RBFOX1: variants seen among roughly 807,000 people sequenced by gnomAD.
The protein encoded by RBFOX1 is RNA binding fox-1 homolog 1, also known as RNA binding protein fox-1 homolog 1.
In RBFOX1, 8 loss-of-function variants were observed where a neutral mutation model predicts 57.7. The observed-to-expected ratio is 0.14, with a 90% confidence interval of 0.08 to 0.25. The LOEUF (loss-of-function observed/expected upper bound fraction) is 0.25, where lower values mean the gene tolerates loss of function less well. RBFOX1 is among the 10% of genes least tolerant of loss of function. The pLI, the probability that RBFOX1 is intolerant of heterozygous loss-of-function variation, is 1.00. For synonymous variants in RBFOX1, 326 were observed against 222.4 expected, an observed-to-expected ratio of 1.47 and a Z score of -4.15; for missense variants, 611 against 548.5, an observed-to-expected ratio of 1.11 and a Z score of -1.14.
In RBFOX1 at chr16:7,081,065, C is replaced by T. The variant is rs928314775; in HGVS notation, c.27+28967C>T. ...TTTTACTTTTTTTGAGGCAGAGTCT[C>T]ACTCTGTCACCAAGGCTGGAGTGCA... On this transcript the variant is annotated intron_variant, in intron 4 of 15. Coordinates refer to ENST00000550418, the MANE Select transcript of RBFOX1 (RefSeq NM_018723.4). 5.3e-5 allele frequency among the ~76,000 whole-genome samples: 8 copies of T among 152,160 alleles called. 1 individual carries two copies. Among genetic ancestry groups the T allele is most frequent in the Admixed American group, 2.0e-4 (3 of 15,274 alleles).
At chr16:5,566,482 G>A (rs1446128998) in intron 2 of RBFOX1, among the ~76,000 whole-genome samples, 2 of 151,890 alleles carry the variant, frequency 1.3e-5, no homozygotes, top group Non-Finnish European at 2.9e-5. Context: ...CCCTCGGGTT[G>A]TTATATTTTG....
At chr16:5,974,217 G>C (rs1203260944) in intron 4 of RBFOX1, among the ~76,000 whole-genome samples, 1 of 152,194 alleles carries the variant, frequency 6.6e-6, no homozygotes, top group Non-Finnish European at 1.5e-5. Context: ...AACTGCTTCA[G>C]CTGTTCCTGT....
intron 2 of RBFOX1, among the ~76,000 whole-genome samples, chr16:6,648,924 A>T (rs942287795): frequency 6.6e-6 from 1 of 152,234 alleles, no homozygotes; most frequent in African/African-American, 2.4e-5. Flanking sequence ...TAGAGCCAAT[A>T]TCATATACAT....
intron 4 of RBFOX1, among the ~76,000 whole-genome samples, chr16:7,224,902 T>A (rs1391804014): frequency 1.3e-5 from 2 of 152,108 alleles, no homozygotes; most frequent in African/African-American, 2.4e-5. Context: ...TTCATGTACT[T>A]TGAGTTAGAG....
chr16:7,654,482 C>T (rs1291846865), intron 12 of RBFOX1, among the ~76,000 whole-genome samples: 1 of 152,168 alleles, frequency 6.6e-6, no homozygotes, highest in Admixed American at 6.5e-5. Flanking sequence ...AGTTAAGATG[C>T]GTTGCAGTTG....
At chr16:6,478,429 A>ATATATATAT (rs1159954387) in intron 2 of RBFOX1, among the ~76,000 whole-genome samples, 3 of 24,606 alleles carry the variant, frequency 1.2e-4, no homozygotes, top group African/African-American at 3.8e-4. Context: ...ATATATATAT[A>ATATATATAT]TTTTTTTTTT....
At chr16:7,567,892 T>A (rs1238979862) in intron 5 of RBFOX1, among the ~76,000 whole-genome samples, 1 of 9,136 alleles carries the variant, frequency 1.1e-4, no homozygotes, top group Non-Finnish European at 4.7e-4. Context: ...TATGTATACC[T>A]ATGTATATAT....
intron 11 of RBFOX1, among the ~76,000 whole-genome samples, chr16:7,645,260 C>T (rs538927594): frequency 1.9e-4 from 29 of 152,230 alleles, no homozygotes; most frequent in Non-Finnish European, 3.1e-4. Context: ...AATTATGGTG[C>T]GCAGTGTTTT....
intron 4 of RBFOX1, among the ~76,000 whole-genome samples, chr16:7,352,744 C>G (rs1486661359): frequency 6.6e-6 from 1 of 152,098 alleles, no homozygotes; most frequent in East Asian, 1.9e-4. Context: ...GAGACAGGGT[C>G]TCACTCTGTC....
intron 3 of RBFOX1, among the ~76,000 whole-genome samples, chr16:6,805,420 G>A (rs184759365): frequency 6.6e-6 from 1 of 152,028 alleles, no homozygotes; most frequent in African/African-American, 2.4e-5. Flanking sequence ...GAGAAGAGCA[G>A]AAAAAAATAA....
At chr16:5,273,791 C>G (rs1443128812) in intron 1 of RBFOX1, among the ~76,000 whole-genome samples, 1 of 152,086 alleles carries the variant, frequency 6.6e-6, no homozygotes, top group Admixed American at 6.5e-5. Flanking sequence ...TCATGAGCAG[C>G]TGGAAGAATG....
chr16:7,549,964 C>G (rs1285393170), intron 5 of RBFOX1, among the ~76,000 whole-genome samples: 1 of 152,076 alleles, frequency 6.6e-6, no homozygotes. Flanking sequence ...GGGTTTTACT[C>G]TGTCACTTAG....
chr16:5,342,214 C>A (rs1567358922), intron 1 of RBFOX1, among the ~76,000 whole-genome samples: 1 of 152,164 alleles, frequency 6.6e-6, no homozygotes, highest in Admixed American at 6.5e-5. Context: ...CCTAGGGTGA[C>A]CACCAGTTCC....
At chr16:5,557,296 A>C (rs1273872407) in intron 2 of RBFOX1, among the ~76,000 whole-genome samples, 14 of 143,694 alleles carry the variant, frequency 9.7e-5, no homozygotes, top group Non-Finnish European at 1.6e-5. Context: ...TAAATAAATA[A>C]ATAAATAAAA....
chr16:7,219,070 G>C (rs75981637), intron 4 of RBFOX1, among the ~76,000 whole-genome samples: 3,954 of 152,280 alleles, frequency 0.026, 181 homozygotes, highest in African/African-American at 0.09. Flanking sequence ...TGAATGTGGA[G>C]TTGGCCACCA....
intron 3 of RBFOX1, among the ~76,000 whole-genome samples, chr16:5,765,695 G>A (rs2053752811): frequency 6.6e-6 from 1 of 152,202 alleles, no homozygotes; most frequent in African/African-American, 2.4e-5. Flanking sequence ...CGCCCCAAGG[G>A]AGAAAGGACG....
At position 7,597,699 on chromosome 16, in the gene RBFOX1, A is replaced by G. The variant is rs560039581; in HGVS notation, c.622+268A>G. Among the ~76,000 whole-genome samples, 12 of 152,338 alleles carry G rather than the reference A, an allele frequency of 7.9e-5. No homozygotes were observed. In the South Asian group the frequency reaches 2.3e-3, roughly 29 times the overall value. On this transcript the variant is annotated intron_variant, in intron 9 of 15. Coordinates refer to ENST00000550418, the MANE Select transcript of RBFOX1 (RefSeq NM_018723.4). ...ATTGAGATGCACTAATTATTTGGAA[A>G]TTAGTTTGCTAATTTCATTGGTTAT... is the stretch of plus-strand genomic sequence containing the variant.
At chr16:5,751,705 G>C (rs2053212442) in intron 3 of RBFOX1, among the ~76,000 whole-genome samples, 1 of 152,188 alleles carries the variant, frequency 6.6e-6, no homozygotes, top group Admixed American at 6.5e-5. Flanking sequence ...ACTGTTAGCT[G>C]TAGAATATCC....
chr16:6,586,229 A>G (rs531656190), intron 2 of RBFOX1, among the ~76,000 whole-genome samples: 14 of 152,224 alleles, frequency 9.2e-5, no homozygotes, highest in South Asian at 2.1e-4. Context: ...CAATTTGCTC[A>G]GATAGGTAGG....
Sources: gnomAD v4.1 joint callset for allele counts (sites outside exome capture counted in the v4.1 genomes callset) on GRCh38, gnomAD v4.1.1 for gene constraint, MANE v1.5 for transcripts, NCBI Gene and HGNC (gene_info 2026-07-23, HGNC 2026-07-21) for gene names.